OSBPL6: variants seen among roughly 807,000 people sequenced by gnomAD.
OSBPL6 encodes the protein oxysterol binding protein like 6, also known as oxysterol-binding protein-related protein 6.
In OSBPL6, 49 loss-of-function variants were observed where a neutral mutation model predicts 125.8. That is an observed-to-expected ratio of 0.39 (90% confidence interval 0.31 to 0.49). OSBPL6 has a LOEUF of 0.49. Ranked by LOEUF, OSBPL6 falls within the 20% of genes least tolerant of loss-of-function variation. The pLI, the probability that OSBPL6 is intolerant of heterozygous loss-of-function variation, is 0.88. For synonymous variants in OSBPL6, 394 were observed against 391.8 expected (o/e 1.01, Z -0.07); for missense variants, 986 against 1,135.4 (o/e 0.87, Z 1.89).
At chr2:178,232,641 C>T (rs1458366648) in intron 1 of OSBPL6, among the ~76,000 whole-genome samples, 2 of 152,080 alleles carry the variant, frequency 1.3e-5, no homozygotes, top group East Asian at 1.9e-4. Flanking sequence ...AGTTACCTAG[C>T]TCATTACTCT....
chr2:178,266,821 T>G (rs571212136), intron 1 of OSBPL6, among the ~76,000 whole-genome samples: 1 of 152,318 alleles, frequency 6.6e-6, no homozygotes, highest in East Asian at 1.9e-4. Context: ...CACATTCCAT[T>G]GTGGGGTCCA....
At chr2:178,335,409 C>A (rs988389628) in intron 8 of OSBPL6, among the ~76,000 whole-genome samples, 2 of 152,030 alleles carry the variant, frequency 1.3e-5, no homozygotes, top group African/African-American at 4.8e-5. Flanking sequence ...TGAAAGATTT[C>A]CATTACATTT....
intron 4 of OSBPL6, among the ~76,000 whole-genome samples, chr2:178,324,594 A>T (rs1688532661): frequency 6.6e-6 from 1 of 152,220 alleles, no homozygotes; most frequent in South Asian, 2.1e-4. Context: ...AAAGAAAAAA[A>T]ACTGCATCCA....
At chr2:178,206,903 C>G (rs2089562774) in intron 1 of OSBPL6, among the ~76,000 whole-genome samples, 1 of 152,064 alleles carries the variant, frequency 6.6e-6, no homozygotes, top group African/African-American at 2.4e-5. Flanking sequence ...ATGTGAGCCA[C>G]CACACCCAGC....
chr2:178,266,638 G>A lies in OSBPL6; in HGVS notation c.-350-18289G>A, dbSNP rs2154021638. Among the ~76,000 whole-genome samples, 12 of 152,306 alleles carry A rather than the reference G, an allele frequency of 7.9e-5. 4 individuals carry two copies. In the South Asian group the frequency reaches 2.5e-3, roughly 32 times the overall value. ...CACAAAGCCTTAACACATGGAGCGAGGTTGAGACCTCAGAGCACCGCCCCT... is the reference window on the plus strand; with the variant it reads ...CACAAAGCCTTAACACATGGAGCGAAGTTGAGACCTCAGAGCACCGCCCCT... On this transcript the variant is annotated intron_variant, in intron 1 of 24. Coordinates refer to ENST00000190611, the MANE Select transcript of OSBPL6 (RefSeq NM_032523.4).
At position 178,198,531 on chromosome 2, in the gene OSBPL6, A is replaced by G. The variant is rs183974573; in HGVS notation, c.-351+3857A>G. On this transcript the variant is annotated intron_variant, in intron 1 of 24. Transcript: ENST00000190611. ...AGGCTGGTCTTGAACTCCTGACCTCATGAGGTCTGACCCAGGAGGCAGATG... is the reference window on the plus strand; with the variant it reads ...AGGCTGGTCTTGAACTCCTGACCTCGTGAGGTCTGACCCAGGAGGCAGATG... 7.4e-4 allele frequency among the ~76,000 whole-genome samples: 108 copies of G among 145,654 alleles called. No homozygotes were observed. In the Middle Eastern group the frequency reaches 0.01, roughly 14 times the overall value.
Position 178,328,397 on chromosome 2 carries a change from T to G in OSBPL6, c.318+19T>G, listed in dbSNP as rs1165288419. 6.2e-7 allele frequency: 1 copy of G among 1,609,478 alleles called. No individual in the cohort carries two copies. The highest frequency in any genetic ancestry group is 2.2e-5 in the East Asian group (1 of 44,838). The stretch of plus-strand genomic sequence containing the variant: ...GCACAAGGTAACATTTTTATCATAT[T>G]CAGGTTCAGACCATCTTCATAAATA... On this transcript the variant is annotated intron_variant, in intron 5 of 24. Coordinates refer to ENST00000190611, the MANE Select transcript of OSBPL6 (RefSeq NM_032523.4).
chr2:178,280,908 A>G (rs1684097377), intron 1 of OSBPL6, among the ~76,000 whole-genome samples: 1 of 151,962 alleles, frequency 6.6e-6, no homozygotes, highest in African/African-American at 2.4e-5. Flanking sequence ...CCCAGTGTGT[A>G]GGTTGTCTGT....
chr2:178,299,733 TG>T (rs1686109968), intron 2 of OSBPL6, among the ~76,000 whole-genome samples: 1 of 152,264 alleles, frequency 6.6e-6, no homozygotes, highest in Non-Finnish European at 1.5e-5. Context: ...TTTAGTTCAC[TG>T]TAAAACTTAC....
intron 1 of OSBPL6, among the ~76,000 whole-genome samples, chr2:178,209,317 T>G (rs1434325250): frequency 6.6e-6 from 1 of 152,154 alleles, no homozygotes; most frequent in Non-Finnish European, 1.5e-5. Flanking sequence ...TGCCCTACTT[T>G]CTGGGTGATT....
chr2:178,194,092 C>T (rs1318400164), upstream of OSBPL6, among the ~76,000 whole-genome samples: 1 of 152,230 alleles, frequency 6.6e-6, no homozygotes, highest in Admixed American at 6.5e-5. Flanking sequence ...TGGAGCCGTT[C>T]TGGGCAACCC....
At chr2:178,367,692 T>G in intron 13 of OSBPL6, among the ~76,000 whole-genome samples, 1 of 152,202 alleles carries the variant, frequency 6.6e-6, no homozygotes, top group East Asian at 1.9e-4. Flanking sequence ...GGAAAGGAAT[T>G]GTGTGTTTCT....
chr2:178,221,053 C>G (rs1017872232), intron 1 of OSBPL6, among the ~76,000 whole-genome samples: 4 of 152,140 alleles, frequency 2.6e-5, no homozygotes, highest in African/African-American at 9.7e-5. Flanking sequence ...ACTCTTCAGC[C>G]CATTGAGGCA....
intron 13 of OSBPL6, 69 bp from the exon 14 acceptor site, chr2:178,372,057 T>C: frequency 1.7e-6 from 2 of 1,160,380 alleles, no homozygotes; most frequent in East Asian, 2.4e-5. Context: ...AACTTGTACC[T>C]GTGTACTTGT....
chr2:178,355,607 C>CA, intron 12 of OSBPL6, among the ~76,000 whole-genome samples: 1 of 152,138 alleles, frequency 6.6e-6, no homozygotes, highest in East Asian at 1.9e-4. Context: ...AGCCTACCAA[C>CA]CAAAAAAAGT....
In OSBPL6 at chr2:178,349,318, T is replaced by C. The variant is rs2154089851; in HGVS notation, c.1082T>C (p.Leu361Pro). 6.2e-7 allele frequency: 1 copy of C among 1,614,172 alleles called. No individual in the cohort carries two copies. The highest frequency in any genetic ancestry group is 1.1e-5 in the South Asian group (1 of 91,084). The change falls in exon 12 of 25, where the codon CTC becomes CCC. Residue 361 changes from leucine to proline, a missense_variant. This residue lies in a region of OSBPL6 where 843 missense variants were observed against 997.3 expected (regional missense o/e 0.85). Coordinates refer to ENST00000190611, the MANE Select transcript of OSBPL6 (RefSeq NM_032523.4). ...DIEFQTPPSH[L>P]TDPLESSTDY... Reference sequence around the variant, plus strand: ...GAATTTCAGACTCCCCCTAGCCACCTCACTGACCCTCTGGAAAGTTCAACA... The same window carrying C: ...GAATTTCAGACTCCCCCTAGCCACCCCACTGACCCTCTGGAAAGTTCAACA...
intron 1 of OSBPL6, among the ~76,000 whole-genome samples, chr2:178,236,290 G>C (rs2091049323): frequency 6.6e-6 from 1 of 152,150 alleles, no homozygotes; most frequent in South Asian, 2.1e-4. Context: ...CAATTAATTA[G>C]AGTTCAGTAG....
At chr2:178,243,597 A>G (rs1318165323) in intron 1 of OSBPL6, among the ~76,000 whole-genome samples, 1 of 151,388 alleles carries the variant, frequency 6.6e-6, no homozygotes, top group Non-Finnish European at 1.5e-5. Context: ...CCTTCTCCCA[A>G]CTCTATTGCC....
intron 3 of OSBPL6, among the ~76,000 whole-genome samples, chr2:178,306,501 A>G (rs1686771123): frequency 6.6e-6 from 1 of 152,200 alleles, no homozygotes; most frequent in African/African-American, 2.4e-5. Context: ...GCAGACACAG[A>G]AGGCTGGTAG....
Sources: gnomAD v4.1 joint callset for allele counts (sites outside exome capture counted in the v4.1 genomes callset) on GRCh38, gnomAD v4.1.1 for gene constraint, gnomAD v4.1.1 regional missense constraint, MANE v1.5 for transcripts, NCBI Gene and HGNC (gene_info 2026-07-23, HGNC 2026-07-21) for gene names.